The following GNAS-AS1 variants were observed in gnomAD, a reference collection of about 807,000 sequenced individuals.
The protein encoded by GNAS-AS1 is GNAS antisense RNA 1, also known as GNAS antisense RNA 1 (non-protein coding).
Position 58,840,073 on chromosome 20 carries a change from G to A in GNAS-AS1, n.819+1864C>T. 1.2e-6 allele frequency: 2 copies of A among 1,607,580 alleles called. No individual in the cohort carries two copies. Among genetic ancestry groups the A allele is most frequent in the African/African-American group, 1.3e-5 (1 of 75,000 alleles). ...CGGAGCCACTCTCTGCAGAGCCAGA[G>A]GGCAGGCCGGCTTCTCGGTGTGTGC... On this transcript the variant is annotated intron_variant and non_coding_transcript_variant, in intron 4 of 4. Coordinates refer to ENST00000424094, the Ensembl canonical transcript of GNAS-AS1. The surrounding 1 kb of genome is among the most constrained non-coding windows in gnomAD (Gnocchi z 6.0).
chr20:58,843,556 C>T (rs542785471), intron 2 of GNAS-AS1, among the ~76,000 whole-genome samples: 5 of 152,120 alleles, frequency 3.3e-5, no homozygotes, highest in Non-Finnish European at 5.9e-5. Flanking sequence ...GTGAGGTCTG[C>T]GGGGTGAGGA....
rs866433998 is a variant in GNAS-AS1 at position 58,828,997 on chromosome 20, T to C, written n.820-9742A>G. On this transcript the variant is annotated intron_variant and non_coding_transcript_variant, in intron 4 of 4. Transcript: ENST00000424094. Reference sequence around the variant, plus strand: ...AACATGGCAGAGCTCCTGGCCCCACTGCCCCACTCAACATGGCAGAGCTCC... The same window carrying C: ...AACATGGCAGAGCTCCTGGCCCCACCGCCCCACTCAACATGGCAGAGCTCC... Among the ~76,000 whole-genome samples, 322 of 93,984 alleles carry C rather than the reference T, an allele frequency of 3.4e-3. 1 individual carries two copies. The highest frequency in any genetic ancestry group is 0.013 in the Middle Eastern group (2 of 156). 61.7% of individuals were successfully genotyped at this position (93,984 alleles called of 152,430 possible).
chr20:58,827,823 G>A (rs1007699521), intron 4 of GNAS-AS1, among the ~76,000 whole-genome samples: 11 of 152,330 alleles, frequency 7.2e-5, no homozygotes, highest in Middle Eastern at 6.8e-3. Flanking sequence ...GGATTTGAGA[G>A]GTGATGTATG....
At chr20:58,838,984 CGT>C (rs2085639148) in intron 4 of GNAS-AS1, 1 of 397,328 alleles carries the variant, frequency 2.5e-6, no homozygotes, top group African/African-American at 2.1e-5. Context: ...GTGAGGATTC[CGT>C]GTCACCCTGA....
chr20:58,821,392 AC>A, intron 4 of GNAS-AS1, among the ~76,000 whole-genome samples: 1 of 152,070 alleles, frequency 6.6e-6, no homozygotes, highest in African/African-American at 2.4e-5. Flanking sequence ...TTGAAAGGCG[AC>A]CTCTGGAGCC....
intron 2 of GNAS-AS1, chr20:58,848,798 G>A: frequency 2.5e-6 from 1 of 398,044 alleles, no homozygotes; most frequent in East Asian, 3.6e-5. Flanking sequence ...TGCCACAGGT[G>A]GGTCAACTCC....
intron 4 of GNAS-AS1, among the ~76,000 whole-genome samples, chr20:58,825,327 A>G (rs976841293): frequency 6.6e-6 from 1 of 152,192 alleles, no homozygotes; most frequent in Non-Finnish European, 1.5e-5. Flanking sequence ...ATCTCTCACC[A>G]TCTCTCCTAG....
exon 2 of GNAS-AS1, chr20:58,848,892 G>A (rs890324700): frequency 1.5e-5 from 6 of 398,464 alleles, no homozygotes; most frequent in African/African-American, 1.0e-4. Flanking sequence ...AAGGACTTAG[G>A]TTTTTCAGAG....
intron 2 of GNAS-AS1, among the ~76,000 whole-genome samples, chr20:58,848,558 C>T (rs200987142): frequency 3.3e-5 from 5 of 152,196 alleles, no homozygotes; most frequent in East Asian, 1.9e-4. Flanking sequence ...AAAAAAGCCC[C>T]GGCAAGGTTA....
intron 2 of GNAS-AS1, among the ~76,000 whole-genome samples, chr20:58,845,034 A>G (rs1247538099): frequency 9.6e-6 from 1 of 103,710 alleles, no homozygotes; most frequent in Non-Finnish European, 2.3e-5. Context: ...TGTGTGTTTT[A>G]CGTGTGTGTG....
At chr20:58,848,736 CACCCCCAGCTCTTACTAT>C (rs2086038778) in intron 2 of GNAS-AS1, 1 of 394,104 alleles carries the variant, frequency 2.5e-6, no homozygotes, top group Non-Finnish European at 4.5e-6. Flanking sequence ...ACTAGCCGAT[CACCCCCAGCTCTTACTAT>C]ACCGGATTCC....
chr20:58,822,643 C>A (rs1330008971), intron 4 of GNAS-AS1, among the ~76,000 whole-genome samples: 1 of 152,196 alleles, frequency 6.6e-6, no homozygotes, highest in African/African-American at 2.4e-5. Flanking sequence ...GGAGGCTGGT[C>A]ACCCATTAAT....
At chr20:58,830,385 TCAC>T (rs1180710599) in intron 4 of GNAS-AS1, among the ~76,000 whole-genome samples, 14 of 45,260 alleles carry the variant, frequency 3.1e-4, no homozygotes, top group East Asian at 7.2e-4. Context: ...ATCACCACAA[TCAC>T]CACCACCATC....
At chr20:58,830,891 C>T (rs904818338) in intron 4 of GNAS-AS1, among the ~76,000 whole-genome samples, 1 of 151,976 alleles carries the variant, frequency 6.6e-6, no homozygotes, top group African/African-American at 2.4e-5. Context: ...TCTATTTTCC[C>T]TTTGAAGCCC....
intron 4 of GNAS-AS1, among the ~76,000 whole-genome samples, chr20:58,826,295 C>T (rs2085519819): frequency 1.3e-5 from 2 of 152,148 alleles, no homozygotes; most frequent in African/African-American, 2.4e-5. Context: ...GCTGTCATGA[C>T]GGGAGGGCTG....
chr20:58,827,584 G>A (rs1238579623), intron 4 of GNAS-AS1, among the ~76,000 whole-genome samples: 3 of 152,214 alleles, frequency 2.0e-5, no homozygotes, highest in African/African-American at 4.8e-5. Flanking sequence ...AATGCACGTC[G>A]ACAGGGATGT....
intron 4 of GNAS-AS1, among the ~76,000 whole-genome samples, chr20:58,822,443 C>A (rs2085493020): frequency 6.6e-6 from 1 of 152,136 alleles, no homozygotes; most frequent in Non-Finnish European, 1.5e-5. Flanking sequence ...AAGAGGCAGG[C>A]CCCAGAAAAC....
At chr20:58,828,881 C>G (rs2085537410) in intron 4 of GNAS-AS1, among the ~76,000 whole-genome samples, 1 of 147,992 alleles carries the variant, frequency 6.8e-6, no homozygotes, top group Non-Finnish European at 1.5e-5. Context: ...TGGCAGAGCT[C>G]CTGGCCCCAC....
chr20:58,834,599 T>C (rs937752382), intron 4 of GNAS-AS1: 2 of 152,226 alleles, frequency 1.3e-5, no homozygotes, highest in East Asian at 3.9e-4. Flanking sequence ...TCTTGGGTAC[T>C]GATGCTTTGC....
Sources: gnomAD v4.1 joint callset for allele counts (sites outside exome capture counted in the v4.1 genomes callset) on GRCh38, gnomAD v4.1.1 for gene constraint, Gnocchi (gnomAD v3.1) non-coding constraint, MANE v1.5 for transcripts, NCBI Gene and HGNC (gene_info 2026-07-23, HGNC 2026-07-21) for gene names.